Variants in RASAL2 observed in about 807,000 individuals in gnomAD.
RASAL2 encodes RAS protein activator like 2.
RASAL2 carries 58 observed loss-of-function variants against 128.9 expected under a neutral mutation model. The observed-to-expected ratio is 0.45, with a 90% CI of 0.36 to 0.56. The LOEUF is 0.56. RASAL2 is among the 20% of genes least tolerant of loss of function. The pLI, the probability that RASAL2 is intolerant of heterozygous loss-of-function variation, is 0.00. For synonymous variants in RASAL2, 561 were observed against 580.8 expected (o/e 0.97, Z 0.49); for missense variants, 1,360 against 1,601.6 (o/e 0.85, Z 2.57).
chr1:178,214,824 C>T (rs1663372984), intron 1 of RASAL2, among the ~76,000 whole-genome samples: 1 of 152,116 alleles, frequency 6.6e-6, no homozygotes, highest in East Asian at 1.9e-4. Flanking sequence ...TCTGAAAGTG[C>T]AGGGATTACA....
At chr1:178,384,223 A>C (rs929652066) in intron 3 of RASAL2, among the ~76,000 whole-genome samples, 1 of 152,208 alleles carries the variant, frequency 6.6e-6, no homozygotes, top group African/African-American at 2.4e-5. Context: ...ATGCCAAAGA[A>C]ACTGCATCTG....
intron 17 of RASAL2, among the ~76,000 whole-genome samples, chr1:178,472,335 T>C (rs1428631650): frequency 6.6e-6 from 1 of 152,110 alleles, no homozygotes; most frequent in Non-Finnish European, 1.5e-5. Flanking sequence ...GACTCAAAAG[T>C]AAAATGAAAG....
At chr1:178,115,490 G>C (rs1558061424) in intron 1 of RASAL2, among the ~76,000 whole-genome samples, 2 of 152,200 alleles carry the variant, frequency 1.3e-5, no homozygotes, top group African/African-American at 4.8e-5. Context: ...GAGTTAACTA[G>C]GTAGTGGGAG....
At chr1:178,204,334 AG>A (rs1462614148) in intron 1 of RASAL2, among the ~76,000 whole-genome samples, 2 of 152,170 alleles carry the variant, frequency 1.3e-5, no homozygotes, top group African/African-American at 4.8e-5. Context: ...CAGGTTGACA[AG>A]GGGTGGACTT....
chr1:178,097,955 AT>A lies in RASAL2; in HGVS notation c.202+3262del, dbSNP rs143150094. 9.2e-5 allele frequency among the ~76,000 whole-genome samples: 14 copies of A among 152,322 alleles called. No individual in the cohort carries two copies. In the East Asian group the frequency reaches 1.7e-3, roughly 19 times the overall value. On this transcript the variant is annotated intron_variant, in intron 1 of 17. Coordinates refer to ENST00000367649, the MANE Select transcript of RASAL2 (RefSeq NM_170692.4). ...TCTGGAATATGTTCAGAGCTTTATA[AT>A]AGGTGGCTCTATATTTAGAACACAA...
chr1:178,418,850 T>C (rs1674949728), intron 4 of RASAL2, among the ~76,000 whole-genome samples: 1 of 152,328 alleles, frequency 6.6e-6, no homozygotes, highest in East Asian at 1.9e-4. Flanking sequence ...AGCTAGTACA[T>C]GTACATAATT....
chr1:178,345,577 G>C (rs996497247), intron 3 of RASAL2, among the ~76,000 whole-genome samples: 1 of 152,088 alleles, frequency 6.6e-6, no homozygotes, highest in Non-Finnish European at 1.5e-5. Flanking sequence ...TTAAGATTCT[G>C]GTTTGTAACT....
At chr1:178,103,286 C>T (rs1262964998) in intron 1 of RASAL2, among the ~76,000 whole-genome samples, 3 of 151,710 alleles carry the variant, frequency 2.0e-5, no homozygotes, top group Non-Finnish European at 2.9e-5. Context: ...CTGAATTAAT[C>T]ATAACTCATT....
chr1:178,401,724 A>T (rs966123064), intron 4 of RASAL2, among the ~76,000 whole-genome samples: 2 of 152,236 alleles, frequency 1.3e-5, no homozygotes, highest in South Asian at 4.1e-4. Flanking sequence ...AACAGAAGTG[A>T]AGGTGAAAAC....
intron 4 of RASAL2, among the ~76,000 whole-genome samples, chr1:178,409,607 CG>C (rs991096475): frequency 3.5e-4 from 54 of 152,114 alleles, no homozygotes; most frequent in African/African-American, 1.1e-3. Flanking sequence ...AATGGTAAGT[CG>C]TTACCAGATG....
chr1:178,184,882 A>G (rs1662234912), intron 1 of RASAL2, among the ~76,000 whole-genome samples: 1 of 152,092 alleles, frequency 6.6e-6, no homozygotes, highest in African/African-American at 2.4e-5. Flanking sequence ...GATTGTGTTG[A>G]ATATATAGAA....
chr1:178,177,263 T>C (rs547773261), intron 1 of RASAL2, among the ~76,000 whole-genome samples: 17 of 152,354 alleles, frequency 1.1e-4, no homozygotes, highest in African/African-American at 3.8e-4. Flanking sequence ...TCAGTGTTAC[T>C]TGGGATTCAG....
chr1:178,295,076 G>A (rs1420847482), intron 2 of RASAL2, among the ~76,000 whole-genome samples: 1 of 152,118 alleles, frequency 6.6e-6, no homozygotes, highest in East Asian at 1.9e-4. Flanking sequence ...GGAAATTGAG[G>A]TTTATTAAAG....
chr1:178,295,224 G>A (rs895571637), intron 2 of RASAL2, among the ~76,000 whole-genome samples: 7 of 149,000 alleles, frequency 4.7e-5, no homozygotes, highest in Admixed American at 2.7e-4. Context: ...TGGTCTAAGC[G>A]TTGGCATTTT....
chr1:178,472,664 C>T (rs1648382325), intron 17 of RASAL2, among the ~76,000 whole-genome samples: 1 of 152,180 alleles, frequency 6.6e-6, no homozygotes, highest in African/African-American at 2.4e-5. Flanking sequence ...ATGCTCTTCT[C>T]CTCTGTGAAA....
chr1:178,351,168 C>T (rs1670455090), intron 3 of RASAL2, among the ~76,000 whole-genome samples: 2 of 152,164 alleles, frequency 1.3e-5, no homozygotes, highest in African/African-American at 4.8e-5. Flanking sequence ...ATCCAGTCAC[C>T]TCCCACCAGG....
chr1:178,122,707 T>G (rs1450633149), intron 1 of RASAL2, among the ~76,000 whole-genome samples: 3 of 152,238 alleles, frequency 2.0e-5, no homozygotes, highest in South Asian at 4.1e-4. Flanking sequence ...TTTTTGAATG[T>G]CTTGTAATAT....
rs1318637214 is a variant in RASAL2, at chr1:178,475,560, G to C, written c.*2321G>C. 1 of 152,194 alleles carries C rather than the reference G, an allele frequency of 6.6e-6. No individual in the cohort carries two copies. The highest frequency in any genetic ancestry group is 1.9e-4 in the East Asian group (1 of 5,200). 9.4% of individuals were successfully genotyped at this position (152,194 alleles called of 1,614,324 possible). On this transcript the variant is annotated 3_prime_UTR_variant, in exon 18 of 18. Coordinates refer to ENST00000367649, the MANE Select transcript of RASAL2 (RefSeq NM_170692.4). The stretch of plus-strand genomic sequence containing the variant: ...CATTGGCCATAAGTATGTAATGTGG[G>C]TGATGTCTTGCCATTGAGGTTTGGA...
intron 5 of RASAL2, among the ~76,000 whole-genome samples, chr1:178,430,944 A>ACACACACACACACACACC (rs145043848): frequency 1.4e-5 from 2 of 147,288 alleles, no homozygotes; most frequent in African/African-American, 5.1e-5. Flanking sequence ...ACACACACAC[A>ACACACACACACACACACC]CCCCTCTTAT....
Sources: gnomAD v4.1 joint callset for allele counts (sites outside exome capture counted in the v4.1 genomes callset) on GRCh38, gnomAD v4.1.1 for gene constraint, MANE v1.5 for transcripts, NCBI Gene and HGNC (gene_info 2026-07-23, HGNC 2026-07-21) for gene names.